The following NPHP4 variants were observed in gnomAD, a reference collection of about 807,000 sequenced individuals.
NPHP4 encodes nephrocystin 4.
A neutral mutation model predicts 155.8 loss-of-function variants in NPHP4; 151 were observed. That is an observed-to-expected ratio of 0.97 (90% CI 0.85 to 1.11). The LOEUF (loss-of-function observed/expected upper bound fraction) is 1.11. Ranked by LOEUF, NPHP4 falls within the 50% of genes least tolerant of loss-of-function variation. NPHP4 has a pLI of 0.00. For missense variants in NPHP4, 1,956 were observed against 1,925.7 expected (o/e 1.02, Z -0.29); for synonymous variants, 845 against 816.8 (o/e 1.03, Z -0.59).
chr1:5,864,738 G>A (rs375559093), intron 27 of NPHP4: 28 of 543,044 alleles, frequency 5.2e-5, no homozygotes, highest in African/African-American at 2.3e-4. Context: ...TTCCCTAAGC[G>A]CTGCCTCCGC....
chr1:5,988,384 T>A (rs561424321), intron 1 of NPHP4, among the ~76,000 whole-genome samples: 1 of 152,212 alleles, frequency 6.6e-6, no homozygotes, highest in Non-Finnish European at 1.5e-5. Flanking sequence ...AGCTGTCCTC[T>A]CTTAAGGAGA....
In NPHP4 at chr1:5,907,204, C is replaced by T; in HGVS notation, c.1522G>A (p.Ala508Thr). 2 of 1,580,714 alleles carry T rather than the reference C, an allele frequency of 1.3e-6. No individual in the cohort carries two copies. Among genetic ancestry groups the T allele is most frequent in the East Asian group, 2.3e-5 (1 of 43,096 alleles). The change falls in exon 13 of 30, where the codon GCG (alanine) becomes ACG (threonine). Residue 508 changes from alanine to threonine, a missense_variant. Physicochemically the swap from Ala to Thr is moderately conservative, Grantham distance 58. Coordinates refer to ENST00000378156, the MANE Select transcript of NPHP4 (RefSeq NM_015102.5). ...VGPGLSISQL[A>T]ASPRSPTQHC... ...TGAGTCGGGGACCGCGGGGAGGCCG[C>T]CAGCTGGGAAATTGACAACTGGAAG...
At chr1:5,863,747 T>C in intron 29 of NPHP4, 143 bp downstream of exon 29, 2 of 847,092 alleles carry the variant, frequency 2.4e-6, no homozygotes, top group South Asian at 1.5e-5. Context: ...CCCACCCAAC[T>C]ATGGGATGGT....
intron 25 of NPHP4, 34 bp from the exon 26 acceptor site, chr1:5,866,492 C>G: frequency 1.5e-6 from 2 of 1,318,300 alleles, no homozygotes; most frequent in Non-Finnish European, 2.2e-6. Flanking sequence ...TCAGGGCACA[C>G]AGTGCTCTGC....
chr1:5,903,898 G>A lies in NPHP4; in HGVS notation c.2143+719C>T, dbSNP rs1429220948. On this transcript the variant is annotated intron_variant, in intron 16 of 29. Transcript: ENST00000378156. ...AGAGAAGCAAGCAGACGCCAAGGGC[G>A]CAGCGGAGGTGCAGGAGGTGGCGCA... is the stretch of plus-strand genomic sequence containing the variant. 5.9e-5 allele frequency among the ~76,000 whole-genome samples: 9 copies of A among 152,290 alleles called. No homozygotes were observed. The East Asian group carries it at 1.2e-3, about 20-fold the overall frequency.
At chr1:5,934,972 A>G (rs1646461645) in intron 9 of NPHP4, among the ~76,000 whole-genome samples, 4 of 152,160 alleles carry the variant, frequency 2.6e-5, no homozygotes. Context: ...CCCAGACTGC[A>G]CTCAGGTCCC....
chr1:5,869,011 A>ATG (rs1641662184), intron 23 of NPHP4, among the ~76,000 whole-genome samples: 1 of 82,824 alleles, frequency 1.2e-5, no homozygotes, highest in African/African-American at 5.2e-5. Flanking sequence ...ACGCACCCAT[A>ATG]CACACACACA....
chr1:5,924,310 A>T (rs1645889292), intron 11 of NPHP4, among the ~76,000 whole-genome samples: 1 of 152,196 alleles, frequency 6.6e-6, no homozygotes, highest in African/African-American at 2.4e-5. Context: ...AGAGAAAGAC[A>T]GAAGAAATAT....
In NPHP4 at chr1:5,866,906, G is replaced by A. The variant is rs1023051017; in HGVS notation, c.3558+124C>T. 9 of 747,604 alleles carry A rather than the reference G, an allele frequency of 1.2e-5. No homozygotes were observed. The African/African-American group carries it at 1.6e-4, about 13-fold the overall frequency. The allele number at this position is 747,604 out of a possible 1,614,324, so 46.3% of individuals were successfully genotyped here. A position where few individuals can be genotyped will look rare whatever the true frequency, so the allele number is the denominator to read the frequency against. On this transcript the variant is annotated intron_variant, in intron 25 of 29. Coordinates refer to ENST00000378156, the MANE Select transcript of NPHP4 (RefSeq NM_015102.5). Reference sequence around the variant, plus strand: ...GTCAAAATAGCCCTTTAGTACCTTGGGAAAGAAACCACTTAGCAGAAAACC... The same window carrying A: ...GTCAAAATAGCCCTTTAGTACCTTGAGAAAGAAACCACTTAGCAGAAAACC...
At chr1:5,887,171 G>T in intron 18 of NPHP4, 115 bp downstream of exon 18, 3 of 994,430 alleles carry the variant, frequency 3.0e-6, no homozygotes, top group Non-Finnish European at 1.5e-6. Flanking sequence ...GAATTCTCCC[G>T]GTTTCCTCCT....
chr1:5,953,246 C>T (rs963501350), intron 6 of NPHP4, among the ~76,000 whole-genome samples: 12 of 152,192 alleles, frequency 7.9e-5, no homozygotes, highest in African/African-American at 2.9e-4. Flanking sequence ...GCTGCGATTA[C>T]AGGTGACTAC....
chr1:5,925,922 G>C (rs1645980692), intron 11 of NPHP4, among the ~76,000 whole-genome samples: 1 of 152,134 alleles, frequency 6.6e-6, no homozygotes, highest in South Asian at 2.1e-4. Flanking sequence ...GCCAGGAATG[G>C]GTTGTTTTAA....
At chr1:5,933,072 G>T in intron 10 of NPHP4, 75 bp downstream of exon 10, 1 of 1,204,176 alleles carries the variant, frequency 8.3e-7, no homozygotes, top group Non-Finnish European at 1.2e-6. Context: ...ACATATTTGT[G>T]AACTTTTGCT....
intron 6 of NPHP4, among the ~76,000 whole-genome samples, chr1:5,958,692 CAAAA>C (rs35749567): frequency 8.0e-6 from 1 of 124,958 alleles, no homozygotes. Flanking sequence ...AAGACTGTCT[CAAAA>C]AAAAAAAAAA....
At chr1:5,871,984 G>A (rs1049249787) in intron 23 of NPHP4, among the ~76,000 whole-genome samples, 1 of 151,524 alleles carries the variant, frequency 6.6e-6, no homozygotes, top group Non-Finnish European at 1.5e-5. Context: ...TTCATGTGAA[G>A]AGATCATATT....
chr1:5,878,698 G>A (rs1274158578), intron 19 of NPHP4, among the ~76,000 whole-genome samples: 1 of 152,188 alleles, frequency 6.6e-6, no homozygotes, highest in Non-Finnish European at 1.5e-5. Context: ...CTGACCTCAG[G>A]GCCTCTGATT....
At chr1:5,976,606 C>T (rs527272620) in intron 3 of NPHP4, among the ~76,000 whole-genome samples, 23 of 152,310 alleles carry the variant, frequency 1.5e-4, no homozygotes, top group Admixed American at 5.9e-4. Flanking sequence ...TTTCCTGACA[C>T]GGCTGGCCAG....
chr1:5,895,984 T>G (rs1644378223), intron 16 of NPHP4, among the ~76,000 whole-genome samples: 1 of 152,112 alleles, frequency 6.6e-6, no homozygotes, highest in South Asian at 2.1e-4. Flanking sequence ...ACAGGCGACG[T>G]CTGCGCAGCC....
intron 18 of NPHP4, among the ~76,000 whole-genome samples, chr1:5,884,961 A>AGC: frequency 7.9e-6 from 1 of 127,042 alleles, no homozygotes; most frequent in South Asian, 2.6e-4. Flanking sequence ...CTCCCAGCCG[A>AGC]ACCCGTCCTA....
Sources: gnomAD v4.1 joint callset for allele counts (sites outside exome capture counted in the v4.1 genomes callset) on GRCh38, gnomAD v4.1.1 for gene constraint, MANE v1.5 for transcripts, NCBI Gene and HGNC (gene_info 2026-07-23, HGNC 2026-07-21) for gene names.